Variants in GUCY1A2 observed in about 807,000 individuals in gnomAD.
GUCY1A2 encodes the protein guanylate cyclase 1 soluble subunit alpha 2, also known as guanylate cyclase soluble subunit alpha-2.
A neutral mutation model predicts 63.5 loss-of-function variants in GUCY1A2; 27 were observed. That is an observed-to-expected ratio of 0.43 (90% CI 0.31 to 0.59). GUCY1A2 has a LOEUF of 0.59. GUCY1A2 is among the 20% of genes least tolerant of loss of function. GUCY1A2 has a pLI of 0.11. For synonymous variants in GUCY1A2, 364 were observed against 343.5 expected, an observed-to-expected ratio of 1.06 and a Z score of -0.66; for missense variants, 768 against 913.3, an observed-to-expected ratio of 0.84 and a Z score of 2.05.
chr11:106,970,894 GA>G (rs1861185018), intron 3 of GUCY1A2, among the ~76,000 whole-genome samples: 1 of 150,778 alleles, frequency 6.6e-6, no homozygotes, highest in Non-Finnish European at 1.5e-5. Context: ...GGGGTGGGGG[GA>G]AAGGAATGAG....
rs547417407 is a variant in GUCY1A2, at chr11:106,862,418, T to C, written c.1207-51940A>G. On this transcript the variant is annotated intron_variant, in intron 4 of 7. Transcript: ENST00000526355. ...CATCATCATCATCATCATTTAACCATGCTCAGCATCCCAGCCAGAAGCATC... is the reference window on the plus strand; with the variant it reads ...CATCATCATCATCATCATTTAACCACGCTCAGCATCCCAGCCAGAAGCATC... 6.1e-4 allele frequency among the ~76,000 whole-genome samples: 93 copies of C among 152,136 alleles called. 3 individuals carry two copies. The South Asian group carries it at 0.017, about 27-fold the overall frequency.
chr11:106,926,626 A>T (rs1240552547), intron 4 of GUCY1A2, among the ~76,000 whole-genome samples: 3 of 151,994 alleles, frequency 2.0e-5, no homozygotes, highest in Non-Finnish European at 4.4e-5. Context: ...CTCTATATTT[A>T]GACTTAAAGA....
intron 4 of GUCY1A2, among the ~76,000 whole-genome samples, chr11:106,918,823 T>C (rs997646306): frequency 5.5e-5 from 6 of 109,874 alleles, no homozygotes; most frequent in African/African-American, 1.6e-4. Flanking sequence ...ACAATGTACC[T>C]AGCATTTCAA....
At chr11:106,903,822 C>T (rs1229235058) in intron 4 of GUCY1A2, among the ~76,000 whole-genome samples, 1 of 152,140 alleles carries the variant, frequency 6.6e-6, no homozygotes, top group Non-Finnish European at 1.5e-5. Flanking sequence ...GCTTGCAAGC[C>T]TTCTTGTAAG....
intron 7 of GUCY1A2, among the ~76,000 whole-genome samples, chr11:106,707,636 T>C (rs1282360605): frequency 6.6e-6 from 1 of 152,100 alleles, no homozygotes; most frequent in Non-Finnish European, 1.5e-5. Flanking sequence ...AGAGTGCTTA[T>C]TATGGGCTAG....
At chr11:106,701,131 G>A (rs1007774296) in intron 7 of GUCY1A2, among the ~76,000 whole-genome samples, 2 of 151,968 alleles carry the variant, frequency 1.3e-5, no homozygotes, top group South Asian at 2.1e-4. Context: ...TGTTTATAAA[G>A]TAAATTCCTA....
chr11:106,950,903 T>C (rs1860898482), intron 3 of GUCY1A2, among the ~76,000 whole-genome samples: 1 of 152,110 alleles, frequency 6.6e-6, no homozygotes. Context: ...CCCCTCACCC[T>C]CCAACAGGCC....
At chr11:106,698,591 C>T (rs61903152) in intron 7 of GUCY1A2, among the ~76,000 whole-genome samples, 14,111 of 152,146 alleles carry the variant, frequency 0.093, 888 homozygotes, top group Non-Finnish European at 0.14. Flanking sequence ...TATTAACATT[C>T]CACTTAACCT....
intron 4 of GUCY1A2, among the ~76,000 whole-genome samples, chr11:106,851,615 C>A (rs1251707942): frequency 6.6e-6 from 1 of 151,886 alleles, no homozygotes; most frequent in Non-Finnish European, 1.5e-5. Flanking sequence ...GTATTCTTTA[C>A]CCAATGTATG....
intron 3 of GUCY1A2, among the ~76,000 whole-genome samples, chr11:106,971,770 A>G (rs1253257788): frequency 1.3e-5 from 2 of 152,168 alleles, no homozygotes; most frequent in African/African-American, 4.8e-5. Context: ...AAACACCCCA[A>G]TAGCAATGAG....
intron 4 of GUCY1A2, among the ~76,000 whole-genome samples, chr11:106,923,553 A>G (rs1396660967): frequency 1.3e-5 from 2 of 152,160 alleles, no homozygotes; most frequent in Non-Finnish European, 2.9e-5. Context: ...TCAATATGAC[A>G]TTATGTACAA....
chr11:106,776,636 A>G lies in GUCY1A2; in HGVS notation c.1693-54T>C, dbSNP rs1405807719. The G allele has an allele frequency of 3.2e-6, 5 of 1,543,236 alleles. No homozygotes were observed. In the African/African-American group the frequency reaches 6.9e-5, roughly 21 times the overall value. On this transcript the variant is annotated intron_variant, in intron 5 of 7. Coordinates refer to ENST00000526355, the MANE Select transcript of GUCY1A2 (RefSeq NM_000855.3). ...ACGTATGATAATGAGCCCAAAGAGAAATGATTAGTTATCTGCAATCACAAA... is the reference window on the plus strand; with the variant it reads ...ACGTATGATAATGAGCCCAAAGAGAGATGATTAGTTATCTGCAATCACAAA...
At chr11:107,009,134 C>T (rs1161976741) in intron 1 of GUCY1A2, among the ~76,000 whole-genome samples, 3 of 152,086 alleles carry the variant, frequency 2.0e-5, no homozygotes, top group Non-Finnish European at 4.4e-5. Context: ...TGAGAGACCC[C>T]CACCCAACTT....
At chr11:106,872,654 G>A (rs1859695423) in intron 4 of GUCY1A2, among the ~76,000 whole-genome samples, 1 of 152,162 alleles carries the variant, frequency 6.6e-6, no homozygotes, top group Non-Finnish European at 1.5e-5. Context: ...CCGGCAATTA[G>A]CAGTACTCAA....
intron 4 of GUCY1A2, among the ~76,000 whole-genome samples, chr11:106,886,252 G>T (rs1463407555): frequency 1.3e-5 from 2 of 152,088 alleles, no homozygotes; most frequent in Non-Finnish European, 2.9e-5. Context: ...TGTCCTTAAA[G>T]TCTTCCATCC....
intron 1 of GUCY1A2, among the ~76,000 whole-genome samples, chr11:107,008,601 C>T (rs1221923579): frequency 6.6e-6 from 1 of 152,060 alleles, no homozygotes; most frequent in Non-Finnish European, 1.5e-5. Flanking sequence ...TATTGAGTGC[C>T]TTTATAATTC....
intron 6 of GUCY1A2, among the ~76,000 whole-genome samples, chr11:106,738,093 T>C (rs2135376714): frequency 6.6e-6 from 1 of 152,316 alleles, no homozygotes; most frequent in East Asian, 1.9e-4. Flanking sequence ...CCATTCTAAC[T>C]GGTGTGAGAT....
intron 4 of GUCY1A2, among the ~76,000 whole-genome samples, chr11:106,871,724 T>C (rs1256204862): frequency 6.6e-6 from 1 of 152,174 alleles, no homozygotes; most frequent in Non-Finnish European, 1.5e-5. Flanking sequence ...CAAATGTGCA[T>C]TAAAAGAAAA....
At chr11:106,726,340 T>A (rs554633190) in intron 6 of GUCY1A2, among the ~76,000 whole-genome samples, 99 of 152,082 alleles carry the variant, frequency 6.5e-4, no homozygotes, top group African/African-American at 2.3e-3. Flanking sequence ...CGCTTGAACC[T>A]GGGAGGCAGA....
Sources: gnomAD v4.1 joint callset for allele counts (sites outside exome capture counted in the v4.1 genomes callset) on GRCh38, gnomAD v4.1.1 for gene constraint, MANE v1.5 for transcripts, NCBI Gene and HGNC (gene_info 2026-07-23, HGNC 2026-07-21) for gene names.